KLHL8: variants seen among roughly 807,000 people sequenced by gnomAD.
The protein encoded by KLHL8 is kelch-like protein 8.
A neutral mutation model predicts 63.5 loss-of-function variants in KLHL8; 38 were observed. That is an observed-to-expected ratio of 0.60 (90% confidence interval 0.46 to 0.78). KLHL8 has a LOEUF of 0.78. Among genes scored for constraint, KLHL8 ranks in the 30% least tolerant of loss-of-function variants. The pLI is 0.00. For synonymous variants in KLHL8, 224 were observed against 254.3 expected, an observed-to-expected ratio of 0.88 and a Z score of 1.13; for missense variants, 566 against 752.4, an observed-to-expected ratio of 0.75 and a Z score of 2.90.
chr4:87,234,344 C>T (rs1282016268), intron 1 of KLHL8, among the ~76,000 whole-genome samples: 1 of 151,398 alleles, frequency 6.6e-6, no homozygotes, highest in East Asian at 1.9e-4. Context: ...GAGGCTGAGG[C>T]AGGAGAATTG....
intron 1 of KLHL8, among the ~76,000 whole-genome samples, chr4:87,237,017 G>A (rs1445248604): frequency 2.0e-5 from 3 of 152,036 alleles, no homozygotes; most frequent in Admixed American, 1.3e-4. Context: ...CTTTGACAGC[G>A]GGAAGTTTCA....
In KLHL8 at chr4:87,160,943, C is replaced by G. The variant is rs1285671264; in HGVS notation, c.*2576G>C. 6.6e-6 allele frequency: 1 copy of G among 151,960 alleles called. No homozygotes were observed. The highest frequency in any genetic ancestry group is 2.4e-5 in the African/African-American group (1 of 41,350). The allele number at this position is 151,960 out of a possible 1,614,324, so 9.4% of individuals were successfully genotyped here. A position where few individuals can be genotyped will look rare whatever the true frequency, so the allele number is the denominator to read the frequency against. On this transcript the variant is annotated 3_prime_UTR_variant, in exon 10 of 10. Coordinates refer to ENST00000273963, the MANE Select transcript of KLHL8 (RefSeq NM_020803.5). The stretch of plus-strand genomic sequence containing the variant: ...TTCTATGAATATAATCATCTTTCAG[C>G]TGCATGATTCCTTCAGCCTGATTCT...
intron 1 of KLHL8, among the ~76,000 whole-genome samples, chr4:87,203,454 T>C (rs1369909073): frequency 6.7e-6 from 1 of 149,262 alleles, no homozygotes; most frequent in East Asian, 2.0e-4. Flanking sequence ...GGCGTGAACC[T>C]GGGAGGCGGA....
At chr4:87,234,048 C>T (rs1176294228) in intron 1 of KLHL8, among the ~76,000 whole-genome samples, 2 of 152,110 alleles carry the variant, frequency 1.3e-5, no homozygotes, top group Non-Finnish European at 2.9e-5. Flanking sequence ...GTTCTGGGTC[C>T]ATACTGTAGA....
At chr4:87,209,338 T>G (rs1287115440) in intron 1 of KLHL8, among the ~76,000 whole-genome samples, 1 of 152,120 alleles carries the variant, frequency 6.6e-6, no homozygotes, top group African/African-American at 2.4e-5. Context: ...ATGCTACAGA[T>G]GTCCATTTCT....
chr4:87,237,629 A>T lies in KLHL8; in HGVS notation n.57+2629T>A, dbSNP rs1366238872. Among the ~76,000 whole-genome samples, 8 of 152,256 alleles carry T rather than the reference A, an allele frequency of 5.3e-5. No individual in the cohort carries two copies. In the East Asian group the frequency reaches 1.5e-3, roughly 29 times the overall value. On this transcript the variant is annotated intron_variant and non_coding_transcript_variant, in intron 1 of 1. Transcript: ENST00000506274. ...GATTGCACGAGCCCAGGAGTTAGAG[A>T]CCAGTTTGGCAACATAGTGAAACTC...
At chr4:87,199,282 G>A (rs1266395024) in intron 1 of KLHL8, among the ~76,000 whole-genome samples, 2 of 152,042 alleles carry the variant, frequency 1.3e-5, no homozygotes, top group African/African-American at 4.8e-5. Flanking sequence ...AATATTCCAT[G>A]CAAAAGAAAG....
intron 1 of KLHL8, among the ~76,000 whole-genome samples, chr4:87,210,475 C>T (rs1320130711): frequency 6.6e-6 from 1 of 151,972 alleles, no homozygotes; most frequent in African/African-American, 2.4e-5. Flanking sequence ...AGCGAGACTC[C>T]ATCTCAATAA....
intron 4 of KLHL8, among the ~76,000 whole-genome samples, chr4:87,182,444 T>G (rs1019677274): frequency 6.6e-6 from 1 of 152,130 alleles, no homozygotes; most frequent in Admixed American, 6.6e-5. Flanking sequence ...AAAGACCTCA[T>G]TATTTGATAA....
At chr4:87,207,753 G>T in intron 1 of KLHL8, 1 of 860,440 alleles carries the variant, frequency 1.2e-6, no homozygotes, top group Admixed American at 1.8e-5. Context: ...CCCTCTCTGA[G>T]CTGAATGGGA....
chr4:87,196,261 A>AT (rs1299561227), intron 1 of KLHL8, among the ~76,000 whole-genome samples: 1 of 152,148 alleles, frequency 6.6e-6, no homozygotes, highest in Non-Finnish European at 1.5e-5. Flanking sequence ...TCAAGTGCAG[A>AT]TAAACAATCC....
At chr4:87,182,142 T>C (rs1262493228) in intron 4 of KLHL8, among the ~76,000 whole-genome samples, 2 of 142,214 alleles carry the variant, frequency 1.4e-5, no homozygotes, top group African/African-American at 2.7e-5. Context: ...GGCAGAAGAA[T>C]GGCGTGAACC....
intron 1 of KLHL8, among the ~76,000 whole-genome samples, chr4:87,203,239 A>T (rs556541485): frequency 3.3e-5 from 5 of 151,798 alleles, no homozygotes; most frequent in Admixed American, 6.6e-5. Flanking sequence ...CAAGGTCACT[A>T]AAAACAAGGT....
chr4:87,209,033 C>T (rs1204897108), intron 1 of KLHL8, among the ~76,000 whole-genome samples: 1 of 152,052 alleles, frequency 6.6e-6, no homozygotes, highest in African/African-American at 2.4e-5. Flanking sequence ...TATAATAGAA[C>T]AGGAAGACAG....
chr4:87,231,936 T>G (rs1252661888), intron 1 of KLHL8, among the ~76,000 whole-genome samples: 3 of 152,192 alleles, frequency 2.0e-5, no homozygotes, highest in Non-Finnish European at 4.4e-5. Context: ...CTCACAGATT[T>G]TCTCCTAATG....
rs533956510 is a variant in KLHL8, at chr4:87,195,916, A to T, written c.-151-226T>A. The stretch of plus-strand genomic sequence containing the variant: ...CAACAAGAACAACTGACTTGAGCAC[A>T]TGACTTTTGAGATGTGTAATATGCT... On this transcript the variant is annotated intron_variant, in intron 1 of 9. Transcript: ENST00000273963. 1.1e-3 allele frequency among the ~76,000 whole-genome samples: 168 copies of T among 152,280 alleles called. 5 individuals are homozygous for T. The South Asian group carries it at 0.034, about 31-fold the overall frequency.
chr4:87,192,864 T>A (rs1431605940), intron 2 of KLHL8, among the ~76,000 whole-genome samples: 1 of 152,150 alleles, frequency 6.6e-6, no homozygotes, highest in African/African-American at 2.4e-5. Context: ...TATCTAAACA[T>A]ATAAACATAG....
At chr4:87,222,803 C>T (rs921411424), upstream of KLHL8, among the ~76,000 whole-genome samples, 1 of 151,798 alleles carries the variant, frequency 6.6e-6, no homozygotes, top group African/African-American at 2.4e-5. Context: ...AGGCTGGTCT[C>T]GAACACCTGA....
rs1731226732 is a variant in KLHL8, at chr4:87,185,700, T to C, written c.316A>G (p.Thr106Ala). Reference sequence around the variant, plus strand: ...TCAAAATCTCTAATCTCAATCAGCGTTTGCTTGGCTTCAGCCATTTCAGAA... The same window carrying C: ...TCAAAATCTCTAATCTCAATCAGCGCTTGCTTGGCTTCAGCCATTTCAGAA... ...FLSEMAEAKQTLIEIRDFDGD... is the reference protein window; with the variant it reads ...FLSEMAEAKQALIEIRDFDGD... Residue 106 changes from threonine to alanine, a missense_variant, in exon 3 of 10, where the codon ACG becomes GCG. Coordinates refer to ENST00000273963, the MANE Select transcript of KLHL8 (RefSeq NM_020803.5). 2 of 1,614,004 alleles carry C rather than the reference T, an allele frequency of 1.2e-6. No individual in the cohort carries two copies. Among genetic ancestry groups the C allele is most frequent in the Non-Finnish European group, 1.7e-6 (2 of 1,180,018 alleles).
Sources: allele counts gnomAD v4.1 joint callset (sites outside exome capture counted in the v4.1 genomes callset), GRCh38; gene constraint gnomAD v4.1.1; transcripts MANE v1.5; gene names NCBI Gene and HGNC (gene_info 2026-07-23, HGNC 2026-07-21).